The following PSMD12 variants were observed in gnomAD, a reference collection of about 807,000 sequenced individuals.
The protein encoded by PSMD12 is 26S proteasome non-ATPase regulatory subunit 12.
A neutral mutation model predicts 62.9 loss-of-function variants in PSMD12; 8 were observed. The observed-to-expected ratio is 0.13, with a 90% CI of 0.07 to 0.23. PSMD12 has a LOEUF of 0.23. Ranked by LOEUF, PSMD12 falls within the 10% of genes least tolerant of loss-of-function variation. The pLI, the probability that PSMD12 is intolerant of heterozygous loss-of-function variation, is 1.00. For synonymous variants in PSMD12, 173 were observed against 187.4 expected, an observed-to-expected ratio of 0.92 and a Z score of 0.63; for missense variants, 424 against 550.2, an observed-to-expected ratio of 0.77 and a Z score of 2.29.
intron 3 of PSMD12, among the ~76,000 whole-genome samples, chr17:67,356,051 T>C (rs529639811): frequency 1.3e-5 from 2 of 152,102 alleles, no homozygotes; most frequent in African/African-American, 4.8e-5. Context: ...TACATTCTTT[T>C]GGCAGACTTC....
chr17:67,357,965 A>G (rs772963973), intron 1 of PSMD12, among the ~76,000 whole-genome samples: 1 of 151,280 alleles, frequency 6.6e-6, no homozygotes. Context: ...TCTTTCACCC[A>G]GGCTGAAGTG....
chr17:67,347,574 T>C, intron 5 of PSMD12, 89 bp from the exon 6 acceptor site: 2 of 1,303,314 alleles, frequency 1.5e-6, no homozygotes, highest in Middle Eastern at 1.9e-4. Context: ...ATATTCATCC[T>C]TGTTAAATAA....
intron 7 of PSMD12, 61 bp downstream of exon 7, chr17:67,347,055 A>G: frequency 2.6e-6 from 4 of 1,509,824 alleles, no homozygotes; most frequent in Non-Finnish European, 2.7e-6. Context: ...ATTTGAAAAT[A>G]AAAAAAGCAA....
rs761043799 is a variant in PSMD12 at position 67,350,297 on chromosome 17, C to T, written c.337G>A (p.Glu113Lys). 5 of 1,613,032 alleles carry T rather than the reference C, an allele frequency of 3.1e-6. No individual in the cohort carries two copies. Among genetic ancestry groups the T allele is most frequent in the Non-Finnish European group, 2.5e-6 (3 of 1,179,660 alleles). The change falls in exon 4 of 11, where the codon GAG (glutamate) becomes AAG (lysine). Residue 113 changes from glutamate (E) to lysine (K), a missense_variant. By Grantham distance (56) the Glu-to-Lys change is moderately conservative. Coordinates refer to ENST00000356126, the MANE Select transcript of PSMD12 (RefSeq NM_002816.5). ...KMVQQCCTYVEEITDLPIKLR... is the reference protein window; with the variant it reads ...KMVQQCCTYVKEITDLPIKLR... ...TTGATAGGAAGGTCTGTGATTTCCT[C>T]AACATAAGTACAGCACTGTTGAACC... is the stretch of plus-strand genomic sequence containing the variant.
At chr17:67,366,144 G>A (rs2042176588) in intron 1 of PSMD12, among the ~76,000 whole-genome samples, 1 of 152,182 alleles carries the variant, frequency 6.6e-6, no homozygotes, top group Non-Finnish European at 1.5e-5. Flanking sequence ...CAGCATCCAA[G>A]AAACGGCAAA....
chr17:67,360,248 C>A (rs2042117019), intron 1 of PSMD12, among the ~76,000 whole-genome samples: 1 of 152,206 alleles, frequency 6.6e-6, no homozygotes, highest in Admixed American at 6.5e-5. Flanking sequence ...TGACTGTGAT[C>A]AATAAAGTGT....
intron 1 of PSMD12, among the ~76,000 whole-genome samples, chr17:67,362,157 A>T (rs1347263434): frequency 6.6e-6 from 1 of 152,218 alleles, no homozygotes; most frequent in Non-Finnish European, 1.5e-5. Context: ...CCATGTGCCA[A>T]ATACAACATA....
chr17:67,364,474 C>G (rs2042161690), intron 1 of PSMD12, among the ~76,000 whole-genome samples: 1 of 152,200 alleles, frequency 6.6e-6, no homozygotes, highest in African/African-American at 2.4e-5. Context: ...AGGGCAAGAG[C>G]TTTGTCTAGT....
chr17:67,339,878 G>A lies in PSMD12; in HGVS notation c.*965C>T, dbSNP rs1162718579. On this transcript the variant is annotated 3_prime_UTR_variant, in exon 11 of 11. Coordinates refer to ENST00000356126, the MANE Select transcript of PSMD12 (RefSeq NM_002816.5). ...ATACTACACCACTTACTATGAGGGT[G>A]GCCTGACGTCTTTTTGCCATTTTTT... 2.6e-5 allele frequency: 4 copies of A among 151,480 alleles called. No homozygotes were observed. The highest frequency in any genetic ancestry group is 4.4e-5 in the Non-Finnish European group (3 of 67,916). 9.4% of individuals were successfully genotyped at this position (151,480 alleles called of 1,614,324 possible).
chr17:67,351,457 G>A (rs1392412105), intron 3 of PSMD12, among the ~76,000 whole-genome samples: 1 of 149,066 alleles, frequency 6.7e-6, no homozygotes, highest in Non-Finnish European at 1.5e-5. Flanking sequence ...TCAAGAAAAT[G>A]TTAAATTACA....
chr17:67,353,097 TTA>T (rs2042033478), intron 3 of PSMD12, among the ~76,000 whole-genome samples: 5 of 152,128 alleles, frequency 3.3e-5, no homozygotes, highest in African/African-American at 1.2e-4. Context: ...CTACTGTACA[TTA>T]ATACGCTAAC....
chr17:67,356,417 G>A (rs1398209774), intron 3 of PSMD12, among the ~76,000 whole-genome samples: 1 of 150,300 alleles, frequency 6.7e-6, no homozygotes, highest in Non-Finnish European at 1.5e-5. Context: ...AATTAGCCGG[G>A]CGTGGTAGCG....
intron 1 of PSMD12, among the ~76,000 whole-genome samples, chr17:67,358,158 A>G (rs1292879928): frequency 6.6e-6 from 1 of 152,086 alleles, no homozygotes; most frequent in African/African-American, 2.4e-5. Context: ...CCTGACCTCA[A>G]GCGATCATCC....
At chr17:67,345,677 G>A (rs994025363) in intron 8 of PSMD12, 68 bp downstream of exon 8, 9 of 1,362,930 alleles carry the variant, frequency 6.6e-6, no homozygotes, top group Admixed American at 5.3e-5. Context: ...ATACACTTAG[G>A]TTAGCCAATT....
At chr17:67,342,663 G>A (rs1468282982) in intron 9 of PSMD12, among the ~76,000 whole-genome samples, 1 of 152,098 alleles carries the variant, frequency 6.6e-6, no homozygotes, top group Non-Finnish European at 1.5e-5. Flanking sequence ...TCGATCGGGT[G>A]CAGGGACTCA....
At position 67,347,180 on chromosome 17, in the gene PSMD12, C is replaced by G. The variant is rs367831989; in HGVS notation, c.731G>C (p.Cys244Ser). ...DQHEGSYLSI[C>S]KHYRAIYDTP... ...ATCATATATTGCTCTGTAGTGCTTA[C>G]AAATAGACAAATAGGATCCCTCATG... The change falls in exon 7 of 11, where the codon TGT becomes TCT. Residue 244 changes from cysteine (C) to serine (S), a missense_variant. By Grantham distance (112) the Cys-to-Ser change is moderately radical (BLOSUM62 -1). Coordinates refer to ENST00000356126, the MANE Select transcript of PSMD12 (RefSeq NM_002816.5). 6.2e-7 allele frequency: 1 copy of G among 1,613,304 alleles called. No individual in the cohort carries two copies. Among genetic ancestry groups the G allele is most frequent in the African/African-American group, 1.3e-5 (1 of 74,896 alleles).
In PSMD12 at chr17:67,341,063, GA is replaced by G. The variant is rs781116211; in HGVS notation, c.1162-12del. On this transcript the variant is annotated splice_polypyrimidine_tract_variant and intron_variant, in intron 10 of 10. Coordinates refer to ENST00000356126, the MANE Select transcript of PSMD12 (RefSeq NM_002816.5). ...AAAGGCTTCGGACTCCTGCAAGAGAGAAAGATAAATTGGATTAAGACAGGAT... is the reference window on the plus strand; with the variant it reads ...AAAGGCTTCGGACTCCTGCAAGAGAGAAGATAAATTGGATTAAGACAGGAT... The G allele has an allele frequency of 7.3e-4, 1,108 of 1,524,904 alleles. No homozygotes were observed. Among genetic ancestry groups the G allele is most frequent in the Non-Finnish European group, 9.0e-4 (1,028 of 1,137,044 alleles). 94.5% of individuals were successfully genotyped at this position (1,524,904 alleles called of 1,614,324 possible). A position where few individuals can be genotyped will look rare whatever the true frequency, so the allele number is the denominator to read the frequency against.
intron 1 of PSMD12, among the ~76,000 whole-genome samples, chr17:67,359,071 T>C (rs1302896040): frequency 1.3e-5 from 2 of 152,202 alleles, no homozygotes; most frequent in Non-Finnish European, 2.9e-5. Flanking sequence ...ACTGCACTCA[T>C]TGGCCAGGCA....
intron 1 of PSMD12, among the ~76,000 whole-genome samples, chr17:67,363,351 G>T (rs1010585195): frequency 6.6e-6 from 1 of 152,052 alleles, no homozygotes; most frequent in African/African-American, 2.4e-5. Flanking sequence ...ACAGCATCTC[G>T]TTAGGCTGGC....
Sources: allele counts gnomAD v4.1 joint callset (sites outside exome capture counted in the v4.1 genomes callset), GRCh38; gene constraint gnomAD v4.1.1; transcripts MANE v1.5; gene names NCBI Gene and HGNC (gene_info 2026-07-23, HGNC 2026-07-21).